DLG2: variants seen among roughly 807,000 people sequenced by gnomAD.
DLG2 encodes discs large MAGUK scaffold protein 2.
A neutral mutation model predicts 132.5 loss-of-function variants in DLG2; 45 were observed. That is an observed-to-expected ratio of 0.34 (90% CI 0.27 to 0.44). DLG2 has a LOEUF of 0.44. Among genes scored for constraint, DLG2 ranks in the 20% least tolerant of loss-of-function variants. The pLI is 1.00. For missense variants in DLG2, 1,045 were observed against 1,196.9 expected (o/e 0.87, Z 1.87); for synonymous variants, 424 against 419.6 (o/e 1.01, Z -0.13).
intron 4 of DLG2, among the ~76,000 whole-genome samples, chr11:85,214,278 T>C (rs1174007882): frequency 6.6e-6 from 1 of 152,174 alleles, no homozygotes. Flanking sequence ...TCTGGTTCTT[T>C]TTACTTCCTC....
At chr11:84,775,215 C>G (rs1169521013) in intron 6 of DLG2, among the ~76,000 whole-genome samples, 1 of 152,024 alleles carries the variant, frequency 6.6e-6, no homozygotes, top group Non-Finnish European at 1.5e-5. Flanking sequence ...CACATCAAAA[C>G]CACAATGAGA....
intron 6 of DLG2, among the ~76,000 whole-genome samples, chr11:84,655,340 AC>A (rs1270255269): frequency 1.3e-5 from 2 of 152,038 alleles, no homozygotes; most frequent in African/African-American, 4.8e-5. Context: ...ACATACTTTG[AC>A]TCCATATGCT....
Position 84,679,632 on chromosome 11 carries a change from T to C in DLG2, c.358-144901A>G, listed in dbSNP as rs145231801. ...AGAAAAAATAAGTTGCCTATAATAG[T>C]TACCATTTATTGAGAGTTTACTATA... On this transcript the variant is annotated intron_variant, in intron 6 of 27. Coordinates refer to ENST00000376104, the MANE Select transcript of DLG2 (RefSeq NM_001142699.3). 4.7e-4 allele frequency among the ~76,000 whole-genome samples: 72 copies of C among 152,218 alleles called. 1 individual carries two copies. In the East Asian group the frequency reaches 0.012, roughly 25 times the overall value.
chr11:84,763,282 C>G (rs939419983), intron 6 of DLG2: 1 of 152,218 alleles, frequency 6.6e-6, no homozygotes, highest in South Asian at 2.1e-4. Context: ...TTTCTTCACT[C>G]TCAACAGGGC....
At chr11:84,263,328 T>A (rs142070611) in intron 7 of DLG2, among the ~76,000 whole-genome samples, 2 of 152,246 alleles carry the variant, frequency 1.3e-5, no homozygotes, top group East Asian at 3.9e-4. Flanking sequence ...AAGAAAAGCA[T>A]GCAGAAATAA....
At chr11:85,024,613 T>C (rs1295131893) in intron 6 of DLG2, among the ~76,000 whole-genome samples, 1 of 152,196 alleles carries the variant, frequency 6.6e-6, no homozygotes, top group African/African-American at 2.4e-5. Context: ...GTACTTTAAA[T>C]GTGCAGAAAA....
At chr11:85,573,106 A>T (rs1277373634) in intron 3 of DLG2, among the ~76,000 whole-genome samples, 1 of 152,192 alleles carries the variant, frequency 6.6e-6, no homozygotes, top group Non-Finnish European at 1.5e-5. Context: ...TTTCACCTTC[A>T]GCCATGAGTT....
At chr11:84,718,846 C>T (rs1353429972) in intron 6 of DLG2, among the ~76,000 whole-genome samples, 1 of 152,154 alleles carries the variant, frequency 6.6e-6, no homozygotes, top group Non-Finnish European at 1.5e-5. Context: ...ACACACAAAC[C>T]TTCAACAATT....
At chr11:83,890,290 C>T (rs922433819) in intron 15 of DLG2, among the ~76,000 whole-genome samples, 10 of 151,902 alleles carry the variant, frequency 6.6e-5, no homozygotes, top group Non-Finnish European at 1.3e-4. Flanking sequence ...ATAACACACT[C>T]TGATTTTTAT....
At chr11:84,889,268 T>C (rs1248254600) in intron 6 of DLG2, among the ~76,000 whole-genome samples, 2 of 152,098 alleles carry the variant, frequency 1.3e-5, no homozygotes, top group African/African-American at 2.4e-5. Flanking sequence ...AAGCGCTAGG[T>C]AATAGCAAAT....
At chr11:84,353,795 CCT>C (rs1376478684) in intron 7 of DLG2, among the ~76,000 whole-genome samples, 1 of 152,120 alleles carries the variant, frequency 6.6e-6, no homozygotes, top group Non-Finnish European at 1.5e-5. Flanking sequence ...AAGCCTGATT[CCT>C]CTGTTTGTAA....
At chr11:84,086,026 G>C (rs959597093) in intron 10 of DLG2, among the ~76,000 whole-genome samples, 1 of 152,102 alleles carries the variant, frequency 6.6e-6, no homozygotes, top group African/African-American at 2.4e-5. Flanking sequence ...CTGGAATACA[G>C]GGTCAAATAC....
intron 3 of DLG2, among the ~76,000 whole-genome samples, chr11:85,504,893 A>G (rs1233265416): frequency 6.6e-6 from 1 of 152,158 alleles, no homozygotes; most frequent in Non-Finnish European, 1.5e-5. Flanking sequence ...TTCATTGAGC[A>G]GTGCTTTGTA....
chr11:84,214,608 C>G (rs1327783411), intron 8 of DLG2, among the ~76,000 whole-genome samples: 1 of 152,078 alleles, frequency 6.6e-6, no homozygotes, highest in Non-Finnish European at 1.5e-5. Context: ...AGATTGCACT[C>G]TCAGTACAGC....
chr11:84,246,177 T>C (rs1209504908), intron 8 of DLG2, among the ~76,000 whole-genome samples: 1 of 152,250 alleles, frequency 6.6e-6, no homozygotes, highest in Non-Finnish European at 1.5e-5. Context: ...AGTTATCTAC[T>C]GTCAACCATT....
At chr11:84,163,640 T>G (rs1388610163) in intron 8 of DLG2, 129 bp from the exon 9 acceptor site, 7 of 710,106 alleles carry the variant, frequency 9.9e-6, no homozygotes, top group Non-Finnish European at 1.6e-5. Flanking sequence ...TCTTGATATT[T>G]CTGATTGTGC....
intron 7 of DLG2, among the ~76,000 whole-genome samples, chr11:84,384,181 T>G (rs2154435207): frequency 6.6e-6 from 1 of 151,698 alleles, no homozygotes; most frequent in South Asian, 2.1e-4. Flanking sequence ...TTGAAAGCAT[T>G]TTATCATTGA....
chr11:85,529,710 C>T (rs551613622), intron 3 of DLG2, among the ~76,000 whole-genome samples: 2 of 152,116 alleles, frequency 1.3e-5, no homozygotes, highest in Non-Finnish European at 2.9e-5. Flanking sequence ...TAACTTTGCA[C>T]ATAAAATCTC....
At chr11:84,177,882 G>C (rs946011872) in intron 8 of DLG2, among the ~76,000 whole-genome samples, 4 of 152,052 alleles carry the variant, frequency 2.6e-5, no homozygotes, top group Admixed American at 2.0e-4. Context: ...TGGTGGAATA[G>C]GGAGCTCAGC....
Sources: gnomAD v4.1 joint callset for allele counts (sites outside exome capture counted in the v4.1 genomes callset) on GRCh38, gnomAD v4.1.1 for gene constraint, MANE v1.5 for transcripts, NCBI Gene and HGNC (gene_info 2026-07-23, HGNC 2026-07-21) for gene names.